Variants in TAFA1 observed in about 807,000 individuals in gnomAD.
TAFA1 encodes TAFA chemokine like family member 1, also known as chemokine-like protein TAFA-1.
Under a neutral mutation model 18.5 loss-of-function variants are expected in TAFA1, and 4 were observed. The ratio of observed to expected loss-of-function variants is 0.22; its 90% CI spans 0.11 to 0.49. The LOEUF (loss-of-function observed/expected upper bound fraction) is 0.49, where lower values mean the gene tolerates loss of function less well. Ranked by LOEUF, TAFA1 falls within the 20% of genes least tolerant of loss-of-function variation. TAFA1 has a pLI of 0.98. For missense variants in TAFA1, 147 were observed against 169.0 expected, an observed-to-expected ratio of 0.87 and a Z score of 0.72; for synonymous variants, 56 against 55.2, an observed-to-expected ratio of 1.01 and a Z score of -0.06.
intron 2 of TAFA1, among the ~76,000 whole-genome samples, chr3:68,287,318 C>G (rs904249135): frequency 1.3e-5 from 2 of 152,190 alleles, no homozygotes; most frequent in African/African-American, 2.4e-5. Flanking sequence ...CTTCGTTCAT[C>G]TCCTGCTGAC....
At chr3:68,038,551 A>G (rs1705100453) in intron 2 of TAFA1, among the ~76,000 whole-genome samples, 1 of 152,186 alleles carries the variant, frequency 6.6e-6, no homozygotes. Flanking sequence ...GTGCTCAGTG[A>G]ATGTCAAGTG....
intron 3 of TAFA1, among the ~76,000 whole-genome samples, chr3:68,522,640 G>C (rs1482889493): frequency 2.0e-5 from 3 of 152,172 alleles, no homozygotes; most frequent in African/African-American, 7.2e-5. Flanking sequence ...CTTGAGACCA[G>C]GAGTTCGAGA....
At chr3:68,079,452 T>A (rs2064868998) in intron 2 of TAFA1, among the ~76,000 whole-genome samples, 1 of 152,232 alleles carries the variant, frequency 6.6e-6, no homozygotes, top group Non-Finnish European at 1.5e-5. Context: ...GGGCATTTAA[T>A]GCTATAAATT....
At chr3:68,264,229 C>T (rs1382116871) in intron 2 of TAFA1, among the ~76,000 whole-genome samples, 1 of 152,066 alleles carries the variant, frequency 6.6e-6, no homozygotes, top group Non-Finnish European at 1.5e-5. Flanking sequence ...AAGATCACAC[C>T]ACCGCACTCC....
chr3:68,436,290 G>T (rs1410912906), intron 3 of TAFA1, among the ~76,000 whole-genome samples: 1 of 152,058 alleles, frequency 6.6e-6, no homozygotes, highest in Non-Finnish European at 1.5e-5. Flanking sequence ...TGTAAGGTGG[G>T]CATAACAGTA....
intron 2 of TAFA1, among the ~76,000 whole-genome samples, chr3:68,224,067 TGGG>T (rs141302085): frequency 2.0e-5 from 3 of 151,486 alleles, no homozygotes; most frequent in Admixed American, 6.6e-5. Flanking sequence ...TAGTATTTGG[TGGG>T]GGTGGGTTAT....
At chr3:68,183,035 A>T (rs536701260) in intron 2 of TAFA1, among the ~76,000 whole-genome samples, 2 of 152,318 alleles carry the variant, frequency 1.3e-5, no homozygotes, top group South Asian at 4.1e-4. Context: ...TTATCCTATC[A>T]GAAAATTCTT....
intron 3 of TAFA1, among the ~76,000 whole-genome samples, chr3:68,417,876 G>A (rs1228597115): frequency 6.6e-6 from 1 of 152,090 alleles, no homozygotes; most frequent in Non-Finnish European, 1.5e-5. Context: ...TACATGGCCA[G>A]GAAAGGAGGA....
At chr3:68,222,858 A>C (rs2066748754) in intron 2 of TAFA1, among the ~76,000 whole-genome samples, 1 of 151,966 alleles carries the variant, frequency 6.6e-6, no homozygotes, top group African/African-American at 2.4e-5. Context: ...TTTTTAGTAG[A>C]GATGGGGTTT....
At chr3:68,314,931 A>G (rs1001145135) in intron 2 of TAFA1, among the ~76,000 whole-genome samples, 1 of 148,820 alleles carries the variant, frequency 6.7e-6, no homozygotes, top group Non-Finnish European at 1.5e-5. Context: ...TATTATATAT[A>G]ATATTAATAT....
chr3:68,490,758 A>G (rs763329608), intron 3 of TAFA1, among the ~76,000 whole-genome samples: 1 of 152,138 alleles, frequency 6.6e-6, no homozygotes, highest in Non-Finnish European at 1.5e-5. Context: ...TTTCACTTTT[A>G]ATTTCTAATG....
chr3:68,091,279 G>T (rs562322574), intron 2 of TAFA1, among the ~76,000 whole-genome samples: 1 of 152,276 alleles, frequency 6.6e-6, no homozygotes, highest in South Asian at 2.1e-4. Context: ...TAATAAAGAA[G>T]TATGCCCTTA....
chr3:68,450,213 A>G (rs570452497), intron 3 of TAFA1, among the ~76,000 whole-genome samples: 25 of 152,172 alleles, frequency 1.6e-4, no homozygotes, highest in Non-Finnish European at 3.2e-4. Flanking sequence ...GAAAAGAGTG[A>G]TTTGCCTACT....
chr3:68,144,546 A>G lies in TAFA1; in HGVS notation c.118+137802A>G, dbSNP rs549060152. Reference sequence around the variant, plus strand: ...TGTAGATTTCAAAATTGCTATGAAAATTATTTGTTAATATGATTGGACATT... The same window carrying G: ...TGTAGATTTCAAAATTGCTATGAAAGTTATTTGTTAATATGATTGGACATT... On this transcript the variant is annotated intron_variant, in intron 2 of 4. Transcript: ENST00000478136. Among the ~76,000 whole-genome samples, 133 of 152,234 alleles carry G rather than the reference A, an allele frequency of 8.7e-4. 1 individual carries two copies. The highest frequency in any genetic ancestry group is 5.1e-4 in the Non-Finnish European group (35 of 68,046).
chr3:68,285,332 T>C (rs531646040), intron 2 of TAFA1, among the ~76,000 whole-genome samples: 1 of 152,158 alleles, frequency 6.6e-6, no homozygotes, highest in Admixed American at 6.5e-5. Context: ...GTAAGTGTTG[T>C]AAATATTGAT....
At chr3:68,079,123 T>C (rs878996307) in intron 2 of TAFA1, among the ~76,000 whole-genome samples, 4 of 152,228 alleles carry the variant, frequency 2.6e-5, no homozygotes, top group African/African-American at 7.2e-5. Flanking sequence ...TATTCTCTGA[T>C]GGTAGTTTGT....
intron 3 of TAFA1, among the ~76,000 whole-genome samples, chr3:68,516,802 T>C (rs926283695): frequency 6.6e-6 from 1 of 151,842 alleles, no homozygotes; most frequent in Non-Finnish European, 1.5e-5. Context: ...TGAGATGGAG[T>C]CTTGCTCTGT....
At chr3:68,187,621 AC>A (rs985861729) in intron 2 of TAFA1, among the ~76,000 whole-genome samples, 6 of 151,966 alleles carry the variant, frequency 3.9e-5, no homozygotes, top group Admixed American at 3.3e-4. Flanking sequence ...AATGCCATGA[AC>A]TTTCTTATAT....
intron 2 of TAFA1, among the ~76,000 whole-genome samples, chr3:68,009,113 C>A (rs1704421527): frequency 6.6e-6 from 1 of 152,132 alleles, no homozygotes; most frequent in African/African-American, 2.4e-5. Context: ...ATAGCCAAGG[C>A]AACAACTCTT....
Sources: allele counts gnomAD v4.1 joint callset (sites outside exome capture counted in the v4.1 genomes callset), GRCh38; gene constraint gnomAD v4.1.1; transcripts MANE v1.5; gene names NCBI Gene and HGNC (gene_info 2026-07-23, HGNC 2026-07-21).